Variants in VWA8 observed in about 807,000 individuals in gnomAD.
VWA8 encodes von Willebrand factor A domain-containing protein 8.
A neutral mutation model predicts 241.5 loss-of-function variants in VWA8; 221 were observed. The ratio of observed to expected loss-of-function variants is 0.91; its 90% confidence interval spans 0.82 to 1.02. VWA8 has a LOEUF of 1.02. Among genes scored for constraint, VWA8 ranks in the 50% least tolerant of loss-of-function variants. The probability of loss-of-function intolerance (pLI) is 0.00; values close to 1 mark genes in which losing one functional copy is unlikely to be tolerated. For synonymous variants in VWA8, 852 were observed against 827.1 expected (o/e 1.03, Z -0.52); for missense variants, 2,322 against 2,328.7 (o/e 1.00, Z 0.06).
At chr13:41,785,943 T>G (rs907040977) in intron 18 of VWA8, among the ~76,000 whole-genome samples, 1 of 152,116 alleles carries the variant, frequency 6.6e-6, no homozygotes, top group African/African-American at 2.4e-5. Flanking sequence ...ACTCAGCAGA[T>G]TTACGGCTTA....
At chr13:41,824,272 T>C (rs1593795912) in intron 14 of VWA8, among the ~76,000 whole-genome samples, 1 of 151,834 alleles carries the variant, frequency 6.6e-6, no homozygotes. Flanking sequence ...GTGTAGATAC[T>C]GGCCCTAAAC....
intron 4 of VWA8, among the ~76,000 whole-genome samples, chr13:41,903,862 A>G (rs532010954): frequency 2.4e-4 from 37 of 152,352 alleles, no homozygotes; most frequent in African/African-American, 8.7e-4. Context: ...AGGAAATAAG[A>G]TAAAATAAAA....
chr13:41,797,125 G>A (rs1478020978), intron 17 of VWA8, among the ~76,000 whole-genome samples: 1 of 152,054 alleles, frequency 6.6e-6, no homozygotes, highest in East Asian at 1.9e-4. Flanking sequence ...CCACTGCCCG[G>A]GTTCAAGTGA....
intron 18 of VWA8, among the ~76,000 whole-genome samples, chr13:41,785,373 T>C (rs1377789930): frequency 6.6e-6 from 1 of 152,194 alleles, no homozygotes; most frequent in East Asian, 1.9e-4. Flanking sequence ...ATATATTTAA[T>C]ATTTTGACTC....
At chr13:41,750,452 A>G (rs2045646604) in intron 21 of VWA8, among the ~76,000 whole-genome samples, 1 of 148,510 alleles carries the variant, frequency 6.7e-6, no homozygotes, top group African/African-American at 2.5e-5. Flanking sequence ...AACAACAACA[A>G]CAACAACAAA....
chr13:41,836,451 C>T (rs1044391203), intron 12 of VWA8, among the ~76,000 whole-genome samples: 6 of 151,992 alleles, frequency 3.9e-5, no homozygotes, highest in Non-Finnish European at 7.4e-5. Context: ...TGAGGAATGT[C>T]GTGACTTCAG....
intron 24 of VWA8, among the ~76,000 whole-genome samples, chr13:41,723,876 C>T (rs2149488): frequency 0.11 from 16,097 of 152,126 alleles, 1,266 homozygotes; most frequent in East Asian, 0.28. Flanking sequence ...TAGTCTAAAA[C>T]ATGACACATT....
At chr13:41,694,926 C>T (rs2045206583) in intron 29 of VWA8, among the ~76,000 whole-genome samples, 1 of 152,132 alleles carries the variant, frequency 6.6e-6, no homozygotes, top group Admixed American at 6.6e-5. Flanking sequence ...CATGTATTTC[C>T]AGCCACTGCT....
intron 12 of VWA8, among the ~76,000 whole-genome samples, chr13:41,850,601 A>C (rs567406378): frequency 1.3e-5 from 2 of 152,218 alleles, no homozygotes; most frequent in Non-Finnish European, 2.9e-5. Flanking sequence ...ACTCACCTGC[A>C]GAGTCAGGCA....
intron 42 of VWA8, among the ~76,000 whole-genome samples, chr13:41,586,766 A>G (rs1329284996): frequency 2.0e-5 from 3 of 152,220 alleles, no homozygotes; most frequent in African/African-American, 7.2e-5. Flanking sequence ...TAGTCTGTCT[A>G]TGGACTGTGT....
chr13:41,730,418 A>C (rs1219097790), intron 22 of VWA8, among the ~76,000 whole-genome samples: 3 of 152,094 alleles, frequency 2.0e-5, no homozygotes, highest in Non-Finnish European at 2.9e-5. Flanking sequence ...ACACTTCAGG[A>C]CATTTAATCT....
chr13:41,707,319 C>T (rs886981042), intron 26 of VWA8, among the ~76,000 whole-genome samples: 1 of 152,004 alleles, frequency 6.6e-6, no homozygotes, highest in Non-Finnish European at 1.5e-5. Context: ...TGAACATTTG[C>T]CAATACTATT....
At chr13:41,637,079 G>T (rs1396295211) in intron 37 of VWA8, among the ~76,000 whole-genome samples, 2 of 151,118 alleles carry the variant, frequency 1.3e-5, no homozygotes, top group Admixed American at 1.3e-4. Context: ...ATACCCAAAG[G>T]ACTATAAATC....
chr13:41,828,042 A>G (rs9562356), intron 14 of VWA8, among the ~76,000 whole-genome samples: 40,815 of 152,086 alleles, frequency 0.27, 5,546 homozygotes, highest in African/African-American at 0.34. Context: ...GCTATTAACC[A>G]AAGTTATGAT....
rs1225781871 is a variant in VWA8, at chr13:41,685,190, C to G, written c.4184G>C (p.Ser1395Thr). The G allele has an allele frequency of 1.2e-6, 2 of 1,613,364 alleles. No homozygotes were observed. The highest frequency in any genetic ancestry group is 1.3e-5 in the African/African-American group (1 of 74,978). The change falls in exon 35 of 45, where the codon AGT becomes ACT. Residue 1395 changes from serine to threonine, a missense_variant. By Grantham distance (58) the Ser-to-Thr change is moderately conservative (BLOSUM62 1). Coordinates refer to ENST00000379310, the MANE Select transcript of VWA8 (RefSeq NM_015058.2). ...TCTATAGAATGATGTATCAGTGCCA[C>G]TTCGTTTATGCAAAGATGATGGTCT... ...WKRPSSLHKRSGTDTSFYRGK... is the reference protein window; with the variant it reads ...WKRPSSLHKRTGTDTSFYRGK...
intron 3 of VWA8, 21 bp downstream of exon 3, chr13:41,912,017 T>A: frequency 6.5e-7 from 1 of 1,534,170 alleles, no homozygotes; most frequent in Non-Finnish European, 8.8e-7. Context: ...CCTTAGAAAT[T>A]GACAAGAATT....
chr13:41,660,968 C>T (rs149981670), intron 37 of VWA8, among the ~76,000 whole-genome samples: 2 of 151,520 alleles, frequency 1.3e-5, no homozygotes, highest in Non-Finnish European at 2.9e-5. Context: ...CGGGTTCAAG[C>T]GATTCTCCTG....
chr13:41,950,549 T>A (rs1222445149), intron 1 of VWA8, among the ~76,000 whole-genome samples: 1 of 151,622 alleles, frequency 6.6e-6, no homozygotes, highest in Non-Finnish European at 1.5e-5. Context: ...TTTGTATTTT[T>A]AGTAGAGACG....
chr13:41,664,878 T>G (rs949657236), intron 37 of VWA8, among the ~76,000 whole-genome samples: 1 of 152,174 alleles, frequency 6.6e-6, no homozygotes, highest in African/African-American at 2.4e-5. Context: ...GTAAATGATG[T>G]ATACTTTGCT....
Sources: gnomAD v4.1 joint callset for allele counts (sites outside exome capture counted in the v4.1 genomes callset) on GRCh38, gnomAD v4.1.1 for gene constraint, MANE v1.5 for transcripts, NCBI Gene and HGNC (gene_info 2026-07-23, HGNC 2026-07-21) for gene names.